The following EHBP1 variants were observed in gnomAD, a reference collection of about 807,000 sequenced individuals.
The protein encoded by EHBP1 is EH domain binding protein 1, also known as EH domain-binding protein 1.
EHBP1 carries 55 observed loss-of-function variants against 144.0 expected under a neutral mutation model. The ratio of observed to expected loss-of-function variants is 0.38; its 90% CI spans 0.31 to 0.48. EHBP1 has a LOEUF of 0.48. EHBP1 is among the 20% of genes least tolerant of loss of function. The pLI, the probability that EHBP1 is intolerant of heterozygous loss-of-function variation, is 0.98. For synonymous variants in EHBP1, 469 were observed against 472.7 expected (o/e 0.99, Z 0.10); for missense variants, 1,200 against 1,364.2 (o/e 0.88, Z 1.90).
intron 7 of EHBP1, among the ~76,000 whole-genome samples, chr2:62,841,499 T>TA (rs542316453): frequency 6.6e-6 from 1 of 151,818 alleles, no homozygotes; most frequent in South Asian, 2.1e-4. Flanking sequence ...AAAATAAAAA[T>TA]AAAAAAAATA....
intron 3 of EHBP1, among the ~76,000 whole-genome samples, chr2:62,752,199 T>C (rs563982268): frequency 9.2e-5 from 14 of 152,324 alleles, no homozygotes; most frequent in African/African-American, 3.4e-4. Flanking sequence ...TTCTCATTGG[T>C]TTCAAAGAAC....
chr2:62,764,458 A>C, intron 4 of EHBP1, 97 bp downstream of exon 4: 1 of 862,126 alleles, frequency 1.2e-6, no homozygotes, highest in Non-Finnish European at 1.7e-6. Flanking sequence ...ATTTGTGTCC[A>C]GTCTGGTACC....
Position 62,768,228 on chromosome 2 carries a change from A to G in EHBP1, c.259-3111A>G, listed in dbSNP as rs1023540240. ...AAACTCATTCAAAAGATCAACAAAT[A>G]CAGAAGTTGGTTTTTTGAAAAAATT... On this transcript the variant is annotated intron_variant, in intron 4 of 22. Coordinates refer to ENST00000431489, the MANE Select transcript of EHBP1 (RefSeq NM_001142616.3). Among the ~76,000 whole-genome samples, 5 of 152,176 alleles carry G rather than the reference A, an allele frequency of 3.3e-5. No homozygotes were observed. In the South Asian group the frequency reaches 6.2e-4, roughly 19 times the overall value.
At chr2:62,751,820 C>T (rs1235071008) in intron 3 of EHBP1, among the ~76,000 whole-genome samples, 9 of 152,174 alleles carry the variant, frequency 5.9e-5, no homozygotes, top group South Asian at 4.1e-4. Context: ...TTTATGGGAT[C>T]GGTGGTGATA....
chr2:62,676,008 G>A (rs2151718907), intron 1 of EHBP1, among the ~76,000 whole-genome samples: 1 of 152,268 alleles, frequency 6.6e-6, no homozygotes, highest in South Asian at 2.1e-4. Context: ...GGCCAGCCTT[G>A]GCCTCCCAAA....
intron 6 of EHBP1, among the ~76,000 whole-genome samples, chr2:62,830,159 C>T (rs1419429379): frequency 3.2e-4 from 20 of 63,392 alleles, no homozygotes; most frequent in Non-Finnish European, 6.6e-4. Context: ...TATAGACACA[C>T]ACACACACAC....
intron 12 of EHBP1, among the ~76,000 whole-genome samples, chr2:62,945,049 A>G (rs1461017995): frequency 1.3e-5 from 2 of 152,260 alleles, no homozygotes; most frequent in African/African-American, 2.4e-5. Context: ...AATTTAGGCA[A>G]TAAACCACCA....
chr2:62,862,358 C>T (rs1196535412), intron 8 of EHBP1, among the ~76,000 whole-genome samples: 1 of 152,220 alleles, frequency 6.6e-6, no homozygotes, highest in African/African-American at 2.4e-5. Flanking sequence ...CCTGTAATCC[C>T]AGCCCTTTGG....
chr2:62,835,542 G>T (rs573832568), intron 7 of EHBP1, among the ~76,000 whole-genome samples: 5 of 152,174 alleles, frequency 3.3e-5, no homozygotes, highest in Non-Finnish European at 7.3e-5. Flanking sequence ...CGTGAGCGAC[G>T]CAGAAGACGG....
At chr2:62,989,030 T>C (rs1342392358) in intron 15 of EHBP1, among the ~76,000 whole-genome samples, 1 of 152,126 alleles carries the variant, frequency 6.6e-6, no homozygotes, top group Non-Finnish European at 1.5e-5. Flanking sequence ...AGCTCCTTCA[T>C]GGCCGGGTGT....
chr2:62,810,890 T>C (rs2044944491), intron 5 of EHBP1, among the ~76,000 whole-genome samples: 1 of 152,258 alleles, frequency 6.6e-6, no homozygotes, highest in Admixed American at 6.5e-5. Context: ...GGGATTCATA[T>C]AAACTTCCCT....
intron 2 of EHBP1, among the ~76,000 whole-genome samples, chr2:62,721,672 A>G (rs2036235758): frequency 6.6e-6 from 1 of 152,208 alleles, no homozygotes; most frequent in Admixed American, 6.5e-5. Context: ...CTGTGTCCTA[A>G]TGATAATTTT....
At chr2:62,944,913 A>C (rs1393174982) in intron 12 of EHBP1, among the ~76,000 whole-genome samples, 2 of 152,360 alleles carry the variant, frequency 1.3e-5, no homozygotes, top group East Asian at 3.9e-4. Context: ...TTATTGTCTT[A>C]GAACAGGAGT....
intron 5 of EHBP1, among the ~76,000 whole-genome samples, chr2:62,791,650 T>C (rs1030296400): frequency 4.6e-5 from 7 of 152,028 alleles, no homozygotes; most frequent in African/African-American, 1.7e-4. Flanking sequence ...ATGTCAAGTT[T>C]GTTAGGTAAC....
intron 10 of EHBP1, among the ~76,000 whole-genome samples, chr2:62,899,835 C>T (rs981512017): frequency 6.6e-6 from 1 of 152,200 alleles, no homozygotes; most frequent in Non-Finnish European, 1.5e-5. Flanking sequence ...CAATTTCTTA[C>T]ATTTATAAGA....
intron 19 of EHBP1, among the ~76,000 whole-genome samples, chr2:63,009,624 G>A (rs1489007116): frequency 1.3e-5 from 2 of 151,424 alleles, no homozygotes; most frequent in African/African-American, 4.8e-5. Context: ...ACTGTAGATG[G>A]AGTAATTGGA....
chr2:62,972,326 C>G (rs1451006653), intron 14 of EHBP1, among the ~76,000 whole-genome samples: 3 of 152,262 alleles, frequency 2.0e-5, no homozygotes, highest in African/African-American at 7.2e-5. Flanking sequence ...TCCCTACTCT[C>G]TAGTCATTTT....
chr2:62,725,025 A>G (rs2036615229), intron 2 of EHBP1, among the ~76,000 whole-genome samples: 1 of 152,188 alleles, frequency 6.6e-6, no homozygotes, highest in African/African-American at 2.4e-5. Flanking sequence ...GGATTCAGCC[A>G]ACTGACTTCA....
chr2:62,781,697 T>G (rs144292429), intron 5 of EHBP1, among the ~76,000 whole-genome samples: 6 of 152,280 alleles, frequency 3.9e-5, no homozygotes, highest in African/African-American at 1.4e-4. Flanking sequence ...CTAGATTACT[T>G]TCTTTTATAT....
Sources: gnomAD v4.1 joint callset for allele counts (sites outside exome capture counted in the v4.1 genomes callset) on GRCh38, gnomAD v4.1.1 for gene constraint, MANE v1.5 for transcripts, NCBI Gene and HGNC (gene_info 2026-07-23, HGNC 2026-07-21) for gene names.